The following FAXC variants were observed in gnomAD, a reference collection of about 807,000 sequenced individuals.
The protein encoded by FAXC is failed axon connections homolog.
In FAXC, 10 loss-of-function variants were observed where a neutral mutation model predicts 41.9. That is an observed-to-expected ratio of 0.24 (90% CI 0.15 to 0.41). The LOEUF (loss-of-function observed/expected upper bound fraction) is 0.41, where lower values mean the gene tolerates loss of function less well. Among genes scored for constraint, FAXC ranks in the 10% least tolerant of loss-of-function variants. FAXC has a pLI of 1.00. For missense variants in FAXC, 399 were observed against 510.9 expected (o/e 0.78, Z 2.11); for synonymous variants, 183 against 183.8 (o/e 1.00, Z 0.03).
At chr6:99,320,160 A>G (rs184507319) in intron 4 of FAXC, among the ~76,000 whole-genome samples, 36 of 152,246 alleles carry the variant, frequency 2.4e-4, no homozygotes, top group African/African-American at 8.4e-4. Flanking sequence ...ATACCCTTCC[A>G]TCGGGTTCAG....
chr6:99,329,962 G>A (rs1007500166), intron 3 of FAXC, among the ~76,000 whole-genome samples: 11 of 151,428 alleles, frequency 7.3e-5, no homozygotes, highest in Non-Finnish European at 1.2e-4. Flanking sequence ...GCAGTAGCGC[G>A]ATCACGGCTC....
rs34916572 is a variant in FAXC at position 99,288,798 on chromosome 6, G to A, written c.940+2906C>T. Among the ~76,000 whole-genome samples, 1,298 of 151,542 alleles carry A rather than the reference G, an allele frequency of 8.6e-3. 9 individuals carry two copies. Among genetic ancestry groups the A allele is most frequent in the Non-Finnish European group, 0.014 (965 of 67,914 alleles). On this transcript the variant is annotated intron_variant, in intron 5 of 5. Transcript: ENST00000389677. ...ACCAATAAGAGGATCTGGAGAGTGA[G>A]AGCTGCTGGCGTCAGCCTGGTCTAA...
rs898479999 is a variant in FAXC at position 99,275,944 on chromosome 6, A to G, written c.*5220T>C. 1 of 152,156 alleles carries G rather than the reference A, an allele frequency of 6.6e-6. No individual in the cohort carries two copies. The highest frequency in any genetic ancestry group is 1.5e-5 in the Non-Finnish European group (1 of 68,034). The allele number at this position is 152,156 out of a possible 1,614,324, so 9.4% of individuals were successfully genotyped here. A position where few individuals can be genotyped will look rare whatever the true frequency, so the allele number is the denominator to read the frequency against. On this transcript the variant is annotated 3_prime_UTR_variant, in exon 6 of 6. Coordinates refer to ENST00000389677, the MANE Select transcript of FAXC (RefSeq NM_032511.4). ...TCCAGACCACTGGAAGCAACTGAATAAAGGTCAAGCACTTCACAATCACAT... is the reference window on the plus strand; with the variant it reads ...TCCAGACCACTGGAAGCAACTGAATGAAGGTCAAGCACTTCACAATCACAT...
rs372500871 is a variant in FAXC at position 99,326,041 on chromosome 6, A to G, written c.600-2374T>C. 1.7e-4 allele frequency among the ~76,000 whole-genome samples: 26 copies of G among 152,346 alleles called. No individual in the cohort carries two copies. In the South Asian group the frequency reaches 5.4e-3, roughly 32 times the overall value. On this transcript the variant is annotated intron_variant, in intron 3 of 5. Transcript: ENST00000389677. ...ACTTCTGTAAGGGGCACGTGGGTAC[A>G]GGCTGCATTTGAGGAAGCCTGTAAG...
rs2128444553 is a variant in FAXC, at chr6:99,276,367, C to T, written c.*4797G>A. The T allele has an allele frequency of 6.6e-6, 1 of 152,300 alleles. No homozygotes were observed. Among genetic ancestry groups the T allele is most frequent in the South Asian group, 2.1e-4 (1 of 4,822 alleles). The allele number at this position is 152,300 out of a possible 1,614,324, so 9.4% of individuals were successfully genotyped here. ...CTTCAGCCCAGGCTGGTTGCCCTAT[C>T]CATGCAGAAGCGGTGGGTTTCAGGG... On this transcript the variant is annotated 3_prime_UTR_variant, in exon 6 of 6. Transcript: ENST00000389677.
intron 4 of FAXC, among the ~76,000 whole-genome samples, chr6:99,294,372 A>G (rs893435088): frequency 4.6e-5 from 7 of 152,228 alleles, no homozygotes; most frequent in African/African-American, 1.7e-4. Flanking sequence ...GAAACTGCAC[A>G]GGAGCTCTCC....
At chr6:99,301,126 C>T (rs1771688508) in intron 4 of FAXC, among the ~76,000 whole-genome samples, 1 of 152,210 alleles carries the variant, frequency 6.6e-6, no homozygotes, top group Non-Finnish European at 1.5e-5. Flanking sequence ...TAGGTCCTGC[C>T]CAGAGTGGTG....
At chr6:99,326,215 C>A (rs953292259) in intron 3 of FAXC, among the ~76,000 whole-genome samples, 13 of 152,228 alleles carry the variant, frequency 8.5e-5, no homozygotes, top group Admixed American at 2.6e-4. Context: ...AAAGGAAGAA[C>A]TGGAAGGTGG....
intron 1 of FAXC, among the ~76,000 whole-genome samples, chr6:99,348,447 C>T (rs1295448883): frequency 6.6e-6 from 1 of 152,166 alleles, no homozygotes; most frequent in African/African-American, 2.4e-5. Context: ...CAACTGTTTA[C>T]GGCACTGGGC....
At chr6:99,343,120 G>A in intron 1 of FAXC, 87 bp from the exon 2 acceptor site, 1 of 1,207,882 alleles carries the variant, frequency 8.3e-7, no homozygotes, top group Non-Finnish European at 1.1e-6. Flanking sequence ...CTGCAGGGTT[G>A]TAGCTCCTCA....
intron 4 of FAXC, among the ~76,000 whole-genome samples, 186 bp from the exon 5 acceptor site, chr6:99,292,006 T>C (rs1771266676): frequency 6.6e-6 from 1 of 152,090 alleles, no homozygotes; most frequent in Non-Finnish European, 1.5e-5. Context: ...TAAGCAATCA[T>C]GTGATACATC....
In FAXC at chr6:99,271,791, T is replaced by G. The variant is rs1238990582; in HGVS notation, c.*9373A>C. 6.6e-6 allele frequency: 1 copy of G among 152,194 alleles called. No homozygotes were observed. Among genetic ancestry groups the G allele is most frequent in the East Asian group, 1.9e-4 (1 of 5,198 alleles). The allele number at this position is 152,194 out of a possible 1,614,324, so 9.4% of individuals were successfully genotyped here. On this transcript the variant is annotated 3_prime_UTR_variant, in exon 6 of 6. Coordinates refer to ENST00000389677, the MANE Select transcript of FAXC (RefSeq NM_032511.4). ...GTTAGAATTTTGAATGTTACCTGAT[T>G]GTAATTTGCTCTAAATGGTAAAAAG...
intron 4 of FAXC, among the ~76,000 whole-genome samples, chr6:99,321,601 C>T (rs1481892388): frequency 6.6e-6 from 1 of 152,234 alleles, no homozygotes; most frequent in African/African-American, 2.4e-5. Flanking sequence ...AACTAGCCTG[C>T]TCAGCTTCTC....
chr6:99,309,810 G>T, intron 4 of FAXC: 1 of 619,348 alleles, frequency 1.6e-6, no homozygotes, highest in African/African-American at 2.0e-5. Context: ...ACTCCGGTAT[G>T]AACTTGTAAG....
Position 99,279,094 on chromosome 6 carries a change from C to T in FAXC, c.*2070G>A, listed in dbSNP as rs1298576789. On this transcript the variant is annotated 3_prime_UTR_variant, in exon 6 of 6. Transcript: ENST00000389677. ...TTCATATTTTCAGTCCAGGAGTCTC[C>T]CTAGTCACACAGAAATGCCACCAGT... The T allele has an allele frequency of 6.6e-6, 1 of 152,094 alleles. No individual in the cohort carries two copies. The highest frequency in any genetic ancestry group is 2.4e-5 in the African/African-American group (1 of 41,404). The allele number at this position is 152,094 out of a possible 1,614,324, so 9.4% of individuals were successfully genotyped here. A position where few individuals can be genotyped will look rare whatever the true frequency, so the allele number is the denominator to read the frequency against.
At chr6:99,296,303 C>T (rs1034355073) in intron 4 of FAXC, among the ~76,000 whole-genome samples, 3 of 152,016 alleles carry the variant, frequency 2.0e-5, no homozygotes, top group Admixed American at 6.6e-5. Flanking sequence ...AAAAGCAGAA[C>T]ACTCAGGACA....
intron 3 of FAXC, among the ~76,000 whole-genome samples, chr6:99,324,322 C>A (rs1772712473): frequency 6.6e-6 from 1 of 152,116 alleles, no homozygotes; most frequent in African/African-American, 2.4e-5. Context: ...CCCACGTCAG[C>A]CTCCAGAGTA....
intron 1 of FAXC, 36 bp from the exon 2 acceptor site, chr6:99,343,069 C>A: frequency 6.4e-7 from 1 of 1,562,256 alleles, no homozygotes; most frequent in South Asian, 1.2e-5. Flanking sequence ...GTACAATCCA[C>A]ATGTTATCCA....
In FAXC at chr6:99,325,638, T is replaced by C. The variant is rs1314312627; in HGVS notation, c.600-1971A>G. On this transcript the variant is annotated intron_variant, in intron 3 of 5. Coordinates refer to ENST00000389677, the MANE Select transcript of FAXC (RefSeq NM_032511.4). ...ACGAAATGCTTTCCTACTTGCTCCT[T>C]TTTTCACACCTGCAGTAATTAAGAT... is the stretch of plus-strand genomic sequence containing the variant. Among the ~76,000 whole-genome samples the C allele has an allele frequency of 2.6e-5, 4 of 152,230 alleles. No individual in the cohort carries two copies. The East Asian group carries it at 7.7e-4, about 29-fold the overall frequency.
Sources: allele counts gnomAD v4.1 joint callset (sites outside exome capture counted in the v4.1 genomes callset), GRCh38; gene constraint gnomAD v4.1.1; transcripts MANE v1.5; gene names NCBI Gene and HGNC (gene_info 2026-07-23, HGNC 2026-07-21).